The following DLG1 variants were observed in gnomAD, a reference collection of about 807,000 sequenced individuals.
DLG1 encodes disks large homolog 1.
Under a neutral mutation model 123.4 loss-of-function variants are expected in DLG1, and 42 were observed. That is an observed-to-expected ratio of 0.34 (90% CI 0.27 to 0.44). The LOEUF is 0.44. DLG1 is among the 20% of genes least tolerant of loss of function. DLG1 has a pLI of 1.00. For missense variants in DLG1, 942 were observed against 1,082.6 expected (o/e 0.87, Z 1.82); for synonymous variants, 317 against 356.2 (o/e 0.89, Z 1.24).
chr3:197,075,969 C>T, intron 18 of DLG1: 1 of 984,050 alleles, frequency 1.0e-6, no homozygotes, highest in Non-Finnish European at 1.5e-6. Flanking sequence ...AGAGACAGTT[C>T]CAAGACCATT....
At chr3:197,255,788 AG>A (rs1180053351) in intron 4 of DLG1, among the ~76,000 whole-genome samples, 1 of 145,266 alleles carries the variant, frequency 6.9e-6, no homozygotes, top group Non-Finnish European at 1.5e-5. Flanking sequence ...AAAAAAAAAA[AG>A]ATTATCTCTG....
intron 15 of DLG1, among the ~76,000 whole-genome samples, chr3:197,086,973 TTC>T (rs1449192466): frequency 2.6e-5 from 4 of 152,308 alleles, no homozygotes; most frequent in East Asian, 1.9e-4. Flanking sequence ...CATTTTAACA[TTC>T]TCTTTTAATA....
At position 197,245,071 on chromosome 3, in the gene DLG1, T is replaced by C. The variant is rs189881264; in HGVS notation, c.318+37608A>G. The stretch of plus-strand genomic sequence containing the variant: ...CAATAGGAAGGCACTTGGTCCATGA[T>C]AATCGAGTTTTTAAAACTAATTTGG... On this transcript the variant is annotated intron_variant, in intron 4 of 24. Coordinates refer to ENST00000667157, the MANE Select transcript of DLG1 (RefSeq NM_001366207.1). Among the ~76,000 whole-genome samples the C allele has an allele frequency of 2.5e-3, 379 of 152,328 alleles. 6 individuals are homozygous for C. The highest frequency in any genetic ancestry group is 3.4e-3 in the Middle Eastern group (1 of 294).
At chr3:197,186,021 A>T (rs1715744367) in intron 5 of DLG1, among the ~76,000 whole-genome samples, 1 of 152,200 alleles carries the variant, frequency 6.6e-6, no homozygotes, top group African/African-American at 2.4e-5. Flanking sequence ...CAGGGAAGAA[A>T]TACTTCTTGA....
intron 4 of DLG1, 46 bp downstream of exon 4, chr3:197,282,633 A>G: frequency 1.5e-6 from 2 of 1,314,870 alleles, no homozygotes; most frequent in Non-Finnish European, 1.0e-6. Context: ...TAACATAAAT[A>G]AATTGATCAC....
intron 4 of DLG1, among the ~76,000 whole-genome samples, chr3:197,229,997 C>A (rs1742054258): frequency 6.6e-6 from 1 of 152,204 alleles, no homozygotes; most frequent in South Asian, 2.1e-4. Context: ...GACTACAAAG[C>A]TCATTTTCAA....
At chr3:197,055,389 T>C (rs1389466057) in intron 23 of DLG1, among the ~76,000 whole-genome samples, 1 of 152,228 alleles carries the variant, frequency 6.6e-6, no homozygotes, top group African/African-American at 2.4e-5. Flanking sequence ...ATGGGCTATA[T>C]TTTCCTGTTT....
chr3:197,235,924 G>A (rs749031334), intron 4 of DLG1, among the ~76,000 whole-genome samples: 2 of 152,044 alleles, frequency 1.3e-5, no homozygotes, highest in Non-Finnish European at 2.9e-5. Context: ...GACAGAAATG[G>A]AACCAATAAA....
At chr3:197,067,401 G>A (rs1256371367) in intron 19 of DLG1, among the ~76,000 whole-genome samples, 1 of 151,984 alleles carries the variant, frequency 6.6e-6, no homozygotes, top group Admixed American at 6.6e-5. Context: ...AAATATATTT[G>A]CTTTGACCTT....
chr3:197,221,415 G>A (rs1407103017), intron 4 of DLG1, among the ~76,000 whole-genome samples: 1 of 152,098 alleles, frequency 6.6e-6, no homozygotes, highest in Non-Finnish European at 1.5e-5. Flanking sequence ...AGCTACTCGG[G>A]AGGCTGACGT....
chr3:197,279,014 T>C (rs1410029983), intron 4 of DLG1, among the ~76,000 whole-genome samples: 2 of 152,216 alleles, frequency 1.3e-5, no homozygotes, highest in East Asian at 3.8e-4. Context: ...TTTCAAGTTA[T>C]AGTACAATAA....
chr3:197,148,332 G>T (rs1161294744), intron 6 of DLG1, among the ~76,000 whole-genome samples: 3 of 148,666 alleles, frequency 2.0e-5, no homozygotes, highest in Admixed American at 6.7e-5. Flanking sequence ...ATCATCTTGG[G>T]TCTGGGAGGT....
intron 4 of DLG1, among the ~76,000 whole-genome samples, chr3:197,275,598 A>C (rs1766030715): frequency 6.6e-6 from 1 of 152,242 alleles, no homozygotes. Flanking sequence ...CTGCAGCATC[A>C]TGGATGAGCC....
At chr3:197,235,955 G>T (rs2150680679) in intron 4 of DLG1, among the ~76,000 whole-genome samples, 1 of 152,258 alleles carries the variant, frequency 6.6e-6, no homozygotes, top group Admixed American at 6.5e-5. Flanking sequence ...ATGGAATGAG[G>T]TTTTAAACGT....
intron 11 of DLG1, among the ~76,000 whole-genome samples, chr3:197,124,482 G>T (rs1778007468): frequency 6.6e-6 from 1 of 152,076 alleles, no homozygotes; most frequent in Non-Finnish European, 1.5e-5. Flanking sequence ...CACTGGGTTA[G>T]CCAGGATGGT....
intron 10 of DLG1, among the ~76,000 whole-genome samples, chr3:197,132,291 C>G (rs1041939161): frequency 1.1e-5 from 1 of 91,720 alleles, no homozygotes; most frequent in African/African-American, 4.3e-5. Context: ...CTCTTTGATA[C>G]ATTTTTTTTT....
At position 197,061,976 on chromosome 3, in the gene DLG1, G is replaced by A. The variant is rs375866587; in HGVS notation, c.2374-1978C>T. Among the ~76,000 whole-genome samples the A allele has an allele frequency of 2.0e-4, 31 of 151,904 alleles. No homozygotes were observed. In the East Asian group the frequency reaches 3.1e-3, roughly 15 times the overall value. On this transcript the variant is annotated intron_variant, in intron 22 of 24. Coordinates refer to ENST00000667157, the MANE Select transcript of DLG1 (RefSeq NM_001366207.1). ...TTAGAATACACTGATGGTTTCTGCC[G>A]GAAACAATTACCACCATGCGGTTTT...
intron 4 of DLG1, among the ~76,000 whole-genome samples, chr3:197,251,483 T>C (rs1754441321): frequency 6.6e-6 from 1 of 152,162 alleles, no homozygotes; most frequent in Admixed American, 6.5e-5. Context: ...TATAAATTCA[T>C]GCATTTATAG....
chr3:197,234,529 G>A (rs1744931104), intron 4 of DLG1, among the ~76,000 whole-genome samples: 1 of 152,120 alleles, frequency 6.6e-6, no homozygotes, highest in Non-Finnish European at 1.5e-5. Flanking sequence ...ATCTTAAACT[G>A]CCATTATAAT....
Sources: allele counts gnomAD v4.1 joint callset (sites outside exome capture counted in the v4.1 genomes callset), GRCh38; gene constraint gnomAD v4.1.1; transcripts MANE v1.5; gene names NCBI Gene and HGNC (gene_info 2026-07-23, HGNC 2026-07-21).